The following SLC26A7 variants were observed in gnomAD, a reference collection of about 807,000 sequenced individuals.
The protein encoded by SLC26A7 is anion exchange transporter.
SLC26A7 carries 59 observed loss-of-function variants against 82.5 expected under a neutral mutation model. That is an observed-to-expected ratio of 0.72 (90% CI 0.58 to 0.89). The LOEUF is 0.89. Ranked by LOEUF, SLC26A7 falls within the 40% of genes least tolerant of loss-of-function variation. The probability of loss-of-function intolerance (pLI) is 0.00; values close to 1 mark genes in which losing one functional copy is unlikely to be tolerated. For synonymous variants in SLC26A7, 271 were observed against 274.3 expected, an observed-to-expected ratio of 0.99 and a Z score of 0.12; for missense variants, 820 against 793.0, an observed-to-expected ratio of 1.03 and a Z score of -0.41.
chr8:91,380,246 C>T (rs140864358), intron 15 of SLC26A7, among the ~76,000 whole-genome samples: 31 of 151,920 alleles, frequency 2.0e-4, no homozygotes, highest in South Asian at 8.3e-4. Flanking sequence ...TGTTTATGAC[C>T]GGCAGTGTTT....
intron 1 of SLC26A7, 38 bp downstream of exon 1, chr8:91,249,451 T>G (rs1810596996): frequency 2.5e-6 from 1 of 397,216 alleles, no homozygotes; most frequent in African/African-American, 2.1e-5. Flanking sequence ...AATAATTAGC[T>G]GTATCATAAA....
upstream of SLC26A7, among the ~76,000 whole-genome samples, chr8:91,248,061 C>A (rs568224084): frequency 1.2e-4 from 18 of 152,188 alleles, no homozygotes; most frequent in Admixed American, 3.3e-4. Flanking sequence ...TTGGTGAGTT[C>A]ATCTCTCATA....
chr8:91,217,699 AAAC>A (rs1212593572), intron 1 of SLC26A7, among the ~76,000 whole-genome samples: 1 of 152,178 alleles, frequency 6.6e-6, no homozygotes, highest in Non-Finnish European at 1.5e-5. Context: ...CCCAAAGGAA[AAAC>A]AGGGCTTTTG....
chr8:91,226,791 A>G (rs1810245630), intron 2 of SLC26A7, among the ~76,000 whole-genome samples: 1 of 152,286 alleles, frequency 6.6e-6, no homozygotes, highest in Non-Finnish European at 1.5e-5. Context: ...GAATCAGACA[A>G]GGTAGTATTT....
At chr8:91,370,534 A>C (rs1384367999) in intron 15 of SLC26A7, among the ~76,000 whole-genome samples, 1 of 152,092 alleles carries the variant, frequency 6.6e-6, no homozygotes, top group Non-Finnish European at 1.5e-5. Context: ...TTACATGTTC[A>C]GATTTACCTG....
intron 4 of SLC26A7, among the ~76,000 whole-genome samples, chr8:91,314,133 T>C (rs1812564806): frequency 6.6e-6 from 1 of 152,180 alleles, no homozygotes; most frequent in African/African-American, 2.4e-5. Context: ...TCATGAAATA[T>C]GGCATGGCCA....
chr8:91,359,285 A>G (rs561819805), intron 11 of SLC26A7, among the ~76,000 whole-genome samples: 4 of 152,334 alleles, frequency 2.6e-5, no homozygotes, highest in Admixed American at 6.5e-5. Context: ...AAATGATTGG[A>G]TAAGTAGATT....
chr8:91,211,957 A>G (rs1323253226), intron 1 of SLC26A7, among the ~76,000 whole-genome samples: 1 of 152,154 alleles, frequency 6.6e-6, no homozygotes, highest in East Asian at 1.9e-4. Flanking sequence ...TAATGAAATA[A>G]TGAGATGAGG....
At chr8:91,231,407 C>T (rs1389933741) in intron 2 of SLC26A7, among the ~76,000 whole-genome samples, 1 of 152,128 alleles carries the variant, frequency 6.6e-6, no homozygotes, top group Non-Finnish European at 1.5e-5. Context: ...AATACAGGGA[C>T]ATGTACAGAA....
chr8:91,271,523 CA>C (rs1811267185), intron 2 of SLC26A7, among the ~76,000 whole-genome samples: 1 of 151,528 alleles, frequency 6.6e-6, no homozygotes, highest in Admixed American at 6.6e-5. Flanking sequence ...GATAAAGAAC[CA>C]AAGTATGTGG....
At position 91,332,375 on chromosome 8, in the gene SLC26A7, TATA is replaced by T. The variant is rs569915524; in HGVS notation, c.643-1914_643-1912del. Among the ~76,000 whole-genome samples, 89 of 143,576 alleles carry T rather than the reference TATA, an allele frequency of 6.2e-4. No individual in the cohort carries two copies. The East Asian group carries it at 0.012, about 19-fold the overall frequency. The allele number at this position is 143,576 out of a possible 152,430, so 94.2% of individuals were successfully genotyped here. A position where few individuals can be genotyped will look rare whatever the true frequency, so the allele number is the denominator to read the frequency against. ...AAATTTATAATTATATATAAAATTA[TATA>T]ATAATTTAAAAATATATTATATTTA... On this transcript the variant is annotated intron_variant, in intron 5 of 18. Transcript: ENST00000276609.
chr8:91,277,068 G>A (rs1811426716), intron 2 of SLC26A7, among the ~76,000 whole-genome samples: 1 of 151,950 alleles, frequency 6.6e-6, no homozygotes, highest in African/African-American at 2.4e-5. Flanking sequence ...GCTTTCCTTC[G>A]AATACTGAGA....
At chr8:91,292,453 A>C (rs1213947889) in intron 3 of SLC26A7, among the ~76,000 whole-genome samples, 1 of 152,142 alleles carries the variant, frequency 6.6e-6, no homozygotes, top group African/African-American at 2.4e-5. Flanking sequence ...AATATACAGA[A>C]CTTACTTCTC....
rs145330274 is a variant in SLC26A7, at chr8:91,373,930, A to C, written c.1675+4097A>C. 2.7e-3 allele frequency among the ~76,000 whole-genome samples: 403 copies of C among 151,944 alleles called. 1 individual carries two copies. The highest frequency in any genetic ancestry group is 9.5e-3 in the African/African-American group (396 of 41,478). On this transcript the variant is annotated intron_variant, in intron 15 of 18. Transcript: ENST00000276609. ...TCTTTATTGGTCTGATTAGGATTTC[A>C]ATGTCTTCCTGGTTCAATCTTGGGA...
At chr8:91,262,369 G>A (rs1189748126) in intron 2 of SLC26A7, among the ~76,000 whole-genome samples, 1 of 151,930 alleles carries the variant, frequency 6.6e-6, no homozygotes. Flanking sequence ...CAAAGTTCTG[G>A]GTAGAAAGGA....
At chr8:91,372,770 T>C (rs773594115) in intron 15 of SLC26A7, among the ~76,000 whole-genome samples, 4 of 151,532 alleles carry the variant, frequency 2.6e-5, no homozygotes, top group Non-Finnish European at 5.9e-5. Context: ...TTGTGAAAAG[T>C]GATATAATGT....
upstream of SLC26A7, among the ~76,000 whole-genome samples, chr8:91,245,333 G>A (rs1182098150): frequency 6.6e-6 from 1 of 152,048 alleles, no homozygotes; most frequent in African/African-American, 2.4e-5. Flanking sequence ...TTTAGAAATC[G>A]GAAGAATTAA....
intron 2 of SLC26A7, among the ~76,000 whole-genome samples, chr8:91,233,436 A>C (rs973266168): frequency 3.3e-5 from 5 of 152,010 alleles, no homozygotes; most frequent in Admixed American, 6.6e-5. Flanking sequence ...GCATGGCGGC[A>C]CACACCTGTA....
At chr8:91,231,069 G>T (rs950258476) in intron 2 of SLC26A7, among the ~76,000 whole-genome samples, 2 of 152,174 alleles carry the variant, frequency 1.3e-5, no homozygotes, top group African/African-American at 2.4e-5. Flanking sequence ...GTATTTATAA[G>T]AATGTGGGTG....
Sources: gnomAD v4.1 joint callset for allele counts (sites outside exome capture counted in the v4.1 genomes callset) on GRCh38, gnomAD v4.1.1 for gene constraint, MANE v1.5 for transcripts, NCBI Gene and HGNC (gene_info 2026-07-23, HGNC 2026-07-21) for gene names.